SPATA31G1: variants seen among roughly 807,000 people sequenced by gnomAD.
SPATA31G1 encodes the protein spermatogenesis-associated protein 31G1.
the SPATA31G1 span, chr9:35,042,125 TAGAGG>T: frequency 7.1e-7 from 1 of 1,404,046 alleles, no homozygotes; most frequent in South Asian, 1.5e-5. Context: ...AATTGCCTGA[TAGAGG>T]AAATTTTTTT....
the SPATA31G1 span, chr9:35,044,893 CAGGGGT>C: frequency 6.2e-7 from 1 of 1,614,092 alleles, no homozygotes; most frequent in South Asian, 1.1e-5. Context: ...GTAACGTGCC[CAGGGGT>C]TAAGGCAGAG....
At chr9:35,044,245 C>G in the SPATA31G1 span, 17 of 1,614,072 alleles carry the variant, frequency 1.1e-5, no homozygotes, top group African/African-American at 2.1e-4. Flanking sequence ...CTCGCTACAT[C>G]AGAAGCTACA....
At chr9:35,042,537 T>C in the SPATA31G1 span, 4 of 1,612,282 alleles carry the variant, frequency 2.5e-6, no homozygotes, top group South Asian at 4.4e-5. Flanking sequence ...ACACCACATG[T>C]GAGGTCATTG....
At chr9:35,044,473 G>C in the SPATA31G1 span, 1 of 1,614,218 alleles carries the variant, frequency 6.2e-7, no homozygotes, top group Non-Finnish European at 8.5e-7. Flanking sequence ...CATGGAGCCA[G>C]CCCTCTGGGA....
At chr9:35,044,354 TAG>T in the SPATA31G1 span, 3 of 1,613,896 alleles carry the variant, frequency 1.9e-6, no homozygotes, top group Non-Finnish European at 2.5e-6. Context: ...TGCTCAGAGT[TAG>T]ATCCATGGGG....
the SPATA31G1 span, chr9:35,043,061 G>C: frequency 6.8e-6 from 11 of 1,614,148 alleles, no homozygotes; most frequent in South Asian, 9.9e-5. Context: ...GTGGTTCTGA[G>C]GGCCTCCTCA....
the SPATA31G1 span, chr9:35,045,264 A>T: frequency 6.2e-7 from 1 of 1,614,110 alleles, no homozygotes; most frequent in East Asian, 2.2e-5. Context: ...GGAGTCTGGC[A>T]GGGCGGAACA....
At chr9:35,045,468 C>T in the SPATA31G1 span, 1 of 1,613,886 alleles carries the variant, frequency 6.2e-7, no homozygotes, top group Non-Finnish European at 8.5e-7. Flanking sequence ...AAAGAGAGAG[C>T]ACCCTAGGAA....
At chr9:35,044,384 A>T in the SPATA31G1 span, 1 of 1,614,016 alleles carries the variant, frequency 6.2e-7, no homozygotes, top group Non-Finnish European at 8.5e-7. Flanking sequence ...CTGATTCTGA[A>T]GCTAGATGTG....
chr9:35,043,316 C>T, the SPATA31G1 span: 31 of 1,614,104 alleles, frequency 1.9e-5, no homozygotes, highest in Non-Finnish European at 2.5e-5. Flanking sequence ...CTTCTGTCTT[C>T]TTCAACAAGC....
At chr9:35,043,543 CCA>C in the SPATA31G1 span, 1 of 1,614,160 alleles carries the variant, frequency 6.2e-7, no homozygotes, top group East Asian at 2.2e-5. Flanking sequence ...GCTGAGGCAC[CCA>C]CACAGTCCCC....
At chr9:35,043,317 T>G in the SPATA31G1 span, 2 of 1,614,088 alleles carry the variant, frequency 1.2e-6, no homozygotes, top group Non-Finnish European at 1.7e-6. Context: ...TTCTGTCTTC[T>G]TCAACAAGCT....
the SPATA31G1 span, chr9:35,042,117 T>C: frequency 1.5e-6 from 2 of 1,332,402 alleles, no homozygotes; most frequent in South Asian, 3.1e-5. Context: ...GAAGCATGAA[T>C]TGCCTGATAG....
chr9:35,043,606 C>A, the SPATA31G1 span: 2 of 1,614,206 alleles, frequency 1.2e-6, no homozygotes, highest in Non-Finnish European at 1.7e-6. Flanking sequence ...CATTTGGAAA[C>A]CACAGGACAC....
chr9:35,043,128 T>C, the SPATA31G1 span: 1 of 1,614,200 alleles, frequency 6.2e-7, no homozygotes, highest in East Asian at 2.2e-5. Flanking sequence ...TTCCAGATCC[T>C]TCCCCATCTT....
chr9:35,042,438 T>C, the SPATA31G1 span: 1 of 1,614,132 alleles, frequency 6.2e-7, no homozygotes, highest in Middle Eastern at 1.6e-4. Flanking sequence ...GCTTGGGAGG[T>C]TGCGACAGCT....
the SPATA31G1 span, chr9:35,045,262 G>A: frequency 6.2e-7 from 1 of 1,613,992 alleles, no homozygotes; most frequent in Admixed American, 1.7e-5. Context: ...CAGGAGTCTG[G>A]CAGGGCGGAA....
chr9:35,045,298 T>C, the SPATA31G1 span: 506 of 1,612,924 alleles, frequency 3.1e-4, 1 homozygote, highest in Non-Finnish European at 4.0e-4. Flanking sequence ...GGGGAGAAAA[T>C]GAAGGGGAAG....
At chr9:35,042,818 T>G in the SPATA31G1 span, 30 of 1,582,028 alleles carry the variant, frequency 1.9e-5, no homozygotes, top group South Asian at 2.5e-4. Context: ...CTTGTGTATC[T>G]GAAAAGGCTT....
Sources: allele counts gnomAD v4.1 joint callset, GRCh38; gene constraint gnomAD v4.1.1; transcripts MANE v1.5; gene names NCBI Gene and HGNC (gene_info 2026-07-23, HGNC 2026-07-21).